PLEKHA5: variants seen among roughly 807,000 people sequenced by gnomAD.
The protein encoded by PLEKHA5 is pleckstrin homology domain-containing family A member 5.
Under a neutral mutation model 181.9 loss-of-function variants are expected in PLEKHA5, and 55 were observed. That is an observed-to-expected ratio of 0.30 (90% CI 0.24 to 0.38). PLEKHA5 has a LOEUF of 0.38. PLEKHA5 is among the 10% of genes least tolerant of loss of function. The probability of loss-of-function intolerance (pLI) is 1.00; values close to 1 mark genes in which losing one functional copy is unlikely to be tolerated. For synonymous variants in PLEKHA5, 535 were observed against 529.4 expected, an observed-to-expected ratio of 1.01 and a Z score of -0.15; for missense variants, 1,432 against 1,549.5, an observed-to-expected ratio of 0.92 and a Z score of 1.27.
intron 20 of PLEKHA5, among the ~76,000 whole-genome samples, chr12:19,328,532 C>A (rs181743060): frequency 1.3e-5 from 2 of 151,098 alleles, no homozygotes; most frequent in East Asian, 3.9e-4. Context: ...ACATCTTTCA[C>A]CTCCTTGGTT....
intron 20 of PLEKHA5, among the ~76,000 whole-genome samples, chr12:19,326,677 C>G (rs1217020737): frequency 6.6e-6 from 1 of 152,154 alleles, no homozygotes; most frequent in African/African-American, 2.4e-5. Flanking sequence ...GCCCATCACC[C>G]AGGTACCTAG....
At position 19,283,589 on chromosome 12, in the gene PLEKHA5, C is replaced by A. The variant is rs1456917304; in HGVS notation, c.1623C>A (p.Asp541Glu). The A allele has an allele frequency of 6.2e-7, 1 of 1,614,002 alleles. No homozygotes were observed. The highest frequency in any genetic ancestry group is 8.5e-7 in the Non-Finnish European group (1 of 1,180,006). ...SSPKTMVNISDQTMHSIPTSP... is the reference protein window; with the variant it reads ...SSPKTMVNISEQTMHSIPTSP... ...CCAAAACCATGGTAAATATTTCTGA[C>A]CAGACAATGCACTCTATTCCCACAT... The change falls in exon 12 of 32, where the codon GAC becomes GAA. Residue 541 changes from aspartate to glutamate, a missense_variant. By Grantham distance (45) the Asp-to-Glu change is conservative. Coordinates refer to ENST00000429027, the MANE Select transcript of PLEKHA5 (RefSeq NM_001256470.2).
intron 10 of PLEKHA5, 93 bp from the exon 11 acceptor site, chr12:19,274,423 C>T: frequency 1.2e-6 from 1 of 815,704 alleles, no homozygotes; most frequent in Non-Finnish European, 1.9e-6. Context: ...TGGCCCCCAC[C>T]CCCGTAAAGT....
intron 3 of PLEKHA5, among the ~76,000 whole-genome samples, chr12:19,237,521 C>T (rs1007790073): frequency 2.6e-5 from 4 of 151,726 alleles, no homozygotes; most frequent in Non-Finnish European, 4.4e-5. Context: ...TAAGGTATAT[C>T]GATACTAGTC....
chr12:19,272,709 C>T (rs372569096), intron 10 of PLEKHA5, among the ~76,000 whole-genome samples: 2 of 152,118 alleles, frequency 1.3e-5, no homozygotes, highest in Non-Finnish European at 2.9e-5. Flanking sequence ...TGCACTCCCC[C>T]CTGGGTTATA....
At chr12:19,167,613 T>C (rs1368529127) in intron 3 of PLEKHA5, among the ~76,000 whole-genome samples, 1 of 152,022 alleles carries the variant, frequency 6.6e-6, no homozygotes, top group Non-Finnish European at 1.5e-5. Context: ...CCAAAGATGA[T>C]TATTTGGCCT....
intron 15 of PLEKHA5, among the ~76,000 whole-genome samples, chr12:19,310,859 T>C (rs546633967): frequency 1.3e-5 from 2 of 152,270 alleles, no homozygotes; most frequent in South Asian, 2.1e-4. Flanking sequence ...AATAGCATTA[T>C]GTCTAAGAAA....
intron 10 of PLEKHA5, among the ~76,000 whole-genome samples, chr12:19,272,187 A>G (rs1276081608): frequency 6.6e-6 from 1 of 152,188 alleles, no homozygotes; most frequent in Non-Finnish European, 1.5e-5. Flanking sequence ...TAAGTATAAT[A>G]TGGATTCTCT....
At chr12:19,367,676 T>C (rs2095469122) in intron 30 of PLEKHA5, among the ~76,000 whole-genome samples, 1 of 151,840 alleles carries the variant, frequency 6.6e-6, no homozygotes, top group African/African-American at 2.4e-5. Flanking sequence ...GCCTCCTGGG[T>C]TCATGCCATT....
chr12:19,340,395 GC>G (rs2093774585), intron 21 of PLEKHA5, among the ~76,000 whole-genome samples: 2 of 139,468 alleles, frequency 1.4e-5, no homozygotes, highest in Non-Finnish European at 3.2e-5. Flanking sequence ...CCGGCCAGCC[GC>G]CCCGTCCGGG....
rs1042762308 is a variant in PLEKHA5 at position 19,257,506 on chromosome 12, C to T, written c.506C>T (p.Pro169Leu). Residue 169 changes from proline (P) to leucine (L), a missense_variant, in exon 6 of 32, where the codon CCG (proline) becomes CTG (leucine). This residue lies in a region of PLEKHA5 where 289 missense variants were observed against 381.1 expected (regional missense o/e 0.76). Coordinates refer to ENST00000429027, the MANE Select transcript of PLEKHA5 (RefSeq NM_001256470.2). ...SNSIKRNPNAPVVRRGWLYKQ... is the reference protein window; with the variant it reads ...SNSIKRNPNALVVRRGWLYKQ... ...TCAATTAAAAGGAATCCTAATGCAC[C>T]GGTTGTCAGACGAGGTTGGCTTTAT... is the stretch of plus-strand genomic sequence containing the variant. 5 of 1,601,930 alleles carry T rather than the reference C, an allele frequency of 3.1e-6. No homozygotes were observed. Among genetic ancestry groups the T allele is most frequent in the African/African-American group, 1.3e-5 (1 of 74,104 alleles).
chr12:19,138,222 A>G (rs1036670960), intron 3 of PLEKHA5, among the ~76,000 whole-genome samples: 3 of 152,144 alleles, frequency 2.0e-5, no homozygotes, highest in Admixed American at 6.6e-5. Flanking sequence ...TAAATATAAG[A>G]TGAAATTAAG....
At position 19,350,502 on chromosome 12, in the gene PLEKHA5, C is replaced by T. The variant is rs536997331; in HGVS notation, c.3019+1983C>T. 3.7e-3 allele frequency among the ~76,000 whole-genome samples: 558 copies of T among 152,286 alleles called. 2 individuals are homozygous for T. Among genetic ancestry groups the T allele is most frequent in the Admixed American group, 6.2e-3 (94 of 15,282 alleles). On this transcript the variant is annotated intron_variant, in intron 25 of 31. Transcript: ENST00000429027. ...CAAAGTGAGGCCAGGCTTGGTGGCT[C>T]ACGCCTATCTATAATCCCAGCATTT...
At chr12:19,314,371 G>A (rs913842972) in intron 15 of PLEKHA5, among the ~76,000 whole-genome samples, 14 of 152,092 alleles carry the variant, frequency 9.2e-5, no homozygotes, top group African/African-American at 2.9e-4. Context: ...TTTAATACTT[G>A]TAGAGAACTA....
At chr12:19,307,902 C>G (rs925996122) in intron 15 of PLEKHA5, among the ~76,000 whole-genome samples, 4 of 151,648 alleles carry the variant, frequency 2.6e-5, no homozygotes, top group African/African-American at 7.3e-5. Flanking sequence ...AAAATTGTCT[C>G]TCTCACCATC....
intron 20 of PLEKHA5, among the ~76,000 whole-genome samples, chr12:19,327,027 G>A (rs745623666): frequency 1.3e-5 from 2 of 152,178 alleles, no homozygotes; most frequent in Non-Finnish European, 2.9e-5. Flanking sequence ...TGGTGAACAT[G>A]CAAGTGCATG....
intron 21 of PLEKHA5, 77 bp downstream of exon 21, chr12:19,336,693 G>T: frequency 1.3e-6 from 1 of 775,018 alleles, no homozygotes; most frequent in East Asian, 2.8e-5. Flanking sequence ...TTAGATTTAC[G>T]CATACCCATA....
intron 3 of PLEKHA5, among the ~76,000 whole-genome samples, chr12:19,160,886 A>T (rs889616432): frequency 2.0e-5 from 3 of 152,136 alleles, no homozygotes; most frequent in Non-Finnish European, 4.4e-5. Context: ...TTTGTTATTC[A>T]AGGATTTTAT....
intron 21 of PLEKHA5, among the ~76,000 whole-genome samples, chr12:19,340,762 G>C (rs138008094): frequency 7.2e-4 from 101 of 140,076 alleles, no homozygotes; most frequent in East Asian, 8.4e-4. Flanking sequence ...CAGCATGCTC[G>C]TTAAGAGTCA....
Sources: allele counts gnomAD v4.1 joint callset (sites outside exome capture counted in the v4.1 genomes callset), GRCh38; gene constraint gnomAD v4.1.1; regional missense constraint gnomAD v4.1.1; transcripts MANE v1.5; gene names NCBI Gene and HGNC (gene_info 2026-07-23, HGNC 2026-07-21).